Variants in CCBE1 observed in about 807,000 individuals in gnomAD.
The protein encoded by CCBE1 is collagen and calcium binding EGF domains 1.
A neutral mutation model predicts 50.0 loss-of-function variants in CCBE1; 37 were observed. The ratio of observed to expected loss-of-function variants is 0.74; its 90% CI spans 0.57 to 0.97. The LOEUF (loss-of-function observed/expected upper bound fraction) is 0.97, where lower values mean the gene tolerates loss of function less well. CCBE1 is among the 50% of genes least tolerant of loss of function. The pLI, the probability that CCBE1 is intolerant of heterozygous loss-of-function variation, is 0.00. For synonymous variants in CCBE1, 234 were observed against 203.7 expected (o/e 1.15, Z -1.27); for missense variants, 538 against 523.8 (o/e 1.03, Z -0.26).
intron 2 of CCBE1, among the ~76,000 whole-genome samples, chr18:59,671,060 C>G (rs2054423186): frequency 6.6e-6 from 1 of 152,188 alleles, no homozygotes; most frequent in Non-Finnish European, 1.5e-5. Flanking sequence ...TGGCCTCAAG[C>G]AAAGCTCGGC....
chr18:59,531,665 GC>G (rs1163570760), intron 2 of CCBE1, among the ~76,000 whole-genome samples: 1 of 152,122 alleles, frequency 6.6e-6, no homozygotes, highest in East Asian at 1.9e-4. Flanking sequence ...GATCACTTGA[GC>G]CCAGGAAGTT....
At chr18:59,675,556 A>C (rs2054490005) in intron 2 of CCBE1, among the ~76,000 whole-genome samples, 1 of 152,212 alleles carries the variant, frequency 6.6e-6, no homozygotes, top group African/African-American at 2.4e-5. Flanking sequence ...AAGGAAGATA[A>C]GCTTCCTCCA....
At chr18:59,652,161 C>T (rs1397869468) in intron 2 of CCBE1, among the ~76,000 whole-genome samples, 1 of 152,198 alleles carries the variant, frequency 6.6e-6, no homozygotes, top group Non-Finnish European at 1.5e-5. Context: ...CAATGACCTC[C>T]AGTTTCATCC....
At chr18:59,471,524 T>A (rs960175847) in intron 3 of CCBE1, among the ~76,000 whole-genome samples, 1 of 152,236 alleles carries the variant, frequency 6.6e-6, no homozygotes, top group African/African-American at 2.4e-5. Flanking sequence ...CCTGGAAGTA[T>A]GCTTGAATTA....
At chr18:59,593,314 C>A (rs2053301711) in intron 2 of CCBE1, among the ~76,000 whole-genome samples, 4 of 152,202 alleles carry the variant, frequency 2.6e-5, no homozygotes. Context: ...TTTCTTGCCA[C>A]CCAGGACAAT....
intron 2 of CCBE1, among the ~76,000 whole-genome samples, chr18:59,482,550 A>C (rs1489233509): frequency 1.3e-5 from 2 of 152,220 alleles, no homozygotes; most frequent in East Asian, 3.8e-4. Flanking sequence ...GAATTTCTTA[A>C]AGCAAAAATA....
At chr18:59,472,433 C>G (rs1912076456) in intron 3 of CCBE1, among the ~76,000 whole-genome samples, 1 of 152,212 alleles carries the variant, frequency 6.6e-6, no homozygotes, top group Non-Finnish European at 1.5e-5. Context: ...ATTCAGTTTT[C>G]TACAAATTGA....
At chr18:59,669,748 T>C (rs2054406910) in intron 2 of CCBE1, among the ~76,000 whole-genome samples, 1 of 152,104 alleles carries the variant, frequency 6.6e-6, no homozygotes. Flanking sequence ...GGCACTGGAG[T>C]TAGGGTGGTA....
intron 5 of CCBE1, chr18:59,455,187 T>C (rs1568148180): frequency 1.6e-6 from 1 of 616,638 alleles, no homozygotes; most frequent in East Asian, 3.0e-5. Flanking sequence ...CTGTTCCTAT[T>C]TAGACATGCC....
chr18:59,621,298 C>T (rs1463182863), intron 2 of CCBE1, among the ~76,000 whole-genome samples: 2 of 152,196 alleles, frequency 1.3e-5, no homozygotes, highest in Non-Finnish European at 2.9e-5. Flanking sequence ...GACAGTTCAT[C>T]AGGCAAGATG....
chr18:59,557,993 AT>A (rs201687851), intron 2 of CCBE1, among the ~76,000 whole-genome samples: 1,870 of 152,288 alleles, frequency 0.012, 34 homozygotes, highest in African/African-American at 0.043. Context: ...AAGACATAAC[AT>A]GGTAAGTGTG....
intron 2 of CCBE1, among the ~76,000 whole-genome samples, chr18:59,646,908 G>A (rs1264870787): frequency 2.0e-5 from 3 of 152,170 alleles, no homozygotes; most frequent in East Asian, 3.8e-4. Flanking sequence ...CCAGAAAGCC[G>A]TTTTAGTCCA....
intron 2 of CCBE1, 154 bp downstream of exon 2, chr18:59,696,475 C>T: frequency 6.6e-7 from 1 of 1,507,056 alleles, no homozygotes; most frequent in Non-Finnish European, 8.9e-7. Context: ...AACCAACCCT[C>T]AAAGATTCGC....
intron 2 of CCBE1, among the ~76,000 whole-genome samples, chr18:59,533,647 C>A (rs536588494): frequency 6.6e-6 from 1 of 152,092 alleles, no homozygotes; most frequent in Non-Finnish European, 1.5e-5. Flanking sequence ...TTATAACAAA[C>A]GTTTATCAAG....
chr18:59,656,765 C>A (rs540303435), intron 2 of CCBE1, among the ~76,000 whole-genome samples: 1 of 152,200 alleles, frequency 6.6e-6, no homozygotes, highest in African/African-American at 2.4e-5. Context: ...GCTTCCTCTA[C>A]GATAGAGACT....
chr18:59,558,422 T>C (rs1268107965), intron 2 of CCBE1, among the ~76,000 whole-genome samples: 6 of 152,212 alleles, frequency 3.9e-5, no homozygotes, highest in African/African-American at 1.4e-4. Context: ...ATAAGGTACA[T>C]GGATGTACTT....
rs746072568 is a variant in CCBE1 at position 59,454,893 on chromosome 18, C to T, written c.612G>A (p.Glu204=). The T allele has an allele frequency of 5.8e-5, 94 of 1,614,138 alleles. No individual in the cohort carries two copies. Among genetic ancestry groups the T allele is most frequent in the Non-Finnish European group, 7.8e-5 (92 of 1,180,056 alleles). ...GCACGGTCTGCTTCATCTGGTAGAACTCCTTGCATGTGGCACAGCAAGTTC... is the reference window on the plus strand; with the variant it reads ...GCACGGTCTGCTTCATCTGGTAGAATTCCTTGCATGTGGCACAGCAAGTTC... ...KAGTCCATCK[E]FYQMKQTVLQ... The change falls in exon 6 of 11, where the codon GAG becomes GAA. Residue 204 remains glutamate, a synonymous_variant. Coordinates refer to ENST00000439986, the MANE Select transcript of CCBE1 (RefSeq NM_133459.4).
At chr18:59,671,236 T>C (rs986427265) in intron 2 of CCBE1, among the ~76,000 whole-genome samples, 1 of 151,898 alleles carries the variant, frequency 6.6e-6, no homozygotes, top group Admixed American at 6.6e-5. Context: ...TGGTGGCTCA[T>C]ACCTGTAATC....
intron 2 of CCBE1, among the ~76,000 whole-genome samples, chr18:59,554,270 T>C (rs776243642): frequency 6.6e-6 from 1 of 152,178 alleles, no homozygotes; most frequent in Non-Finnish European, 1.5e-5. Context: ...TGAGCCACCA[T>C]GCCCAGACTG....
Sources: allele counts gnomAD v4.1 joint callset (sites outside exome capture counted in the v4.1 genomes callset), GRCh38; gene constraint gnomAD v4.1.1; transcripts MANE v1.5; gene names NCBI Gene and HGNC (gene_info 2026-07-23, HGNC 2026-07-21).